The following ANKFN1 variants were observed in gnomAD, a reference collection of about 807,000 sequenced individuals.
ANKFN1 encodes ankyrin repeat and fibronectin type-III domain-containing protein 1.
Under a neutral mutation model 108.7 loss-of-function variants are expected in ANKFN1, and 74 were observed. That is an observed-to-expected ratio of 0.68 (90% confidence interval 0.56 to 0.83). The LOEUF is 0.83. Ranked by LOEUF, ANKFN1 falls within the 40% of genes least tolerant of loss-of-function variation. The pLI, the probability that ANKFN1 is intolerant of heterozygous loss-of-function variation, is 0.00. For missense variants in ANKFN1, 1,505 were observed against 1,382.3 expected (o/e 1.09, Z -1.41); for synonymous variants, 547 against 516.2 (o/e 1.06, Z -0.81).
At chr17:56,180,930 G>A (rs1445886193) in intron 1 of ANKFN1, among the ~76,000 whole-genome samples, 1 of 152,122 alleles carries the variant, frequency 6.6e-6, no homozygotes, top group East Asian at 1.9e-4. Flanking sequence ...TGTTCTCTAA[G>A]CCACACCAAT....
At position 56,188,579 on chromosome 17, in the gene ANKFN1, G is replaced by GTATATA. The variant is rs1220822008; in HGVS notation, c.-70-24018_-70-24017insATATAT. On this transcript the variant is annotated intron_variant, in intron 1 of 20. Transcript: ENST00000682825. ...TGTGTGTGTATGTGTGTGTGTGTGT[G>GTATATA]TGTATATATATATATATATATATAT... Among the ~76,000 whole-genome samples, 193 of 71,312 alleles carry GTATATA rather than the reference G, an allele frequency of 2.7e-3. 2 individuals are homozygous for GTATATA. Among genetic ancestry groups the GTATATA allele is most frequent in the Middle Eastern group, 0.016 (2 of 124 alleles). 46.8% of individuals were successfully genotyped at this position (71,312 alleles called of 152,430 possible).
intron 8 of ANKFN1, among the ~76,000 whole-genome samples, chr17:56,378,781 G>C (rs944898214): frequency 2.0e-5 from 3 of 152,084 alleles, no homozygotes; most frequent in Non-Finnish European, 4.4e-5. Flanking sequence ...TATGAAAGTG[G>C]GGTTAGTGAT....
intron 8 of ANKFN1, among the ~76,000 whole-genome samples, chr17:56,435,922 A>T (rs2048916172): frequency 6.6e-6 from 1 of 152,098 alleles, no homozygotes; most frequent in Non-Finnish European, 1.5e-5. Flanking sequence ...AAATTTACCT[A>T]AACTTTATAC....
chr17:56,404,010 G>T (rs573475522), intron 8 of ANKFN1, among the ~76,000 whole-genome samples: 1 of 152,148 alleles, frequency 6.6e-6, no homozygotes, highest in African/African-American at 2.4e-5. Context: ...CTTCTGGCTT[G>T]TAGGGGTCCT....
At chr17:56,387,729 G>A (rs549687616) in intron 8 of ANKFN1, among the ~76,000 whole-genome samples, 3 of 152,216 alleles carry the variant, frequency 2.0e-5, no homozygotes, top group Admixed American at 1.3e-4. Context: ...TGAAAAACCT[G>A]CTTGATTTGT....
At chr17:56,207,267 G>T (rs184165581) in intron 1 of ANKFN1, among the ~76,000 whole-genome samples, 1 of 152,290 alleles carries the variant, frequency 6.6e-6, no homozygotes, top group African/African-American at 2.4e-5. Context: ...CAGACCTATT[G>T]TATCAGATAC....
chr17:56,225,129 A>G (rs1916169381), intron 2 of ANKFN1, among the ~76,000 whole-genome samples: 1 of 152,138 alleles, frequency 6.6e-6, no homozygotes, highest in African/African-American at 2.4e-5. Flanking sequence ...ATATGCAAAT[A>G]ATACAAATGG....
intron 1 of ANKFN1, among the ~76,000 whole-genome samples, chr17:56,198,781 C>T (rs1913765841): frequency 6.6e-6 from 1 of 152,166 alleles, no homozygotes; most frequent in Non-Finnish European, 1.5e-5. Flanking sequence ...GTTTCAGACA[C>T]CTGGGTCTGT....
intron 4 of ANKFN1, among the ~76,000 whole-genome samples, chr17:56,345,229 G>GT (rs1384703039): frequency 6.6e-6 from 1 of 151,998 alleles, no homozygotes; most frequent in African/African-American, 2.4e-5. Context: ...AGCTCATTCT[G>GT]TTTTATGGCT....
At chr17:56,502,892 T>C (rs1414056537) in intron 20 of ANKFN1, among the ~76,000 whole-genome samples, 1 of 152,076 alleles carries the variant, frequency 6.6e-6, no homozygotes, top group Non-Finnish European at 1.5e-5. Flanking sequence ...CTTTTGGGAG[T>C]AGGTGGATGG....
At chr17:56,351,441 A>G (rs529943475) in intron 5 of ANKFN1, among the ~76,000 whole-genome samples, 1 of 112,624 alleles carries the variant, frequency 8.9e-6, no homozygotes, top group Admixed American at 9.4e-5. Context: ...AAAGTAAGGG[A>G]AAAATATAAA....
intron 1 of ANKFN1, among the ~76,000 whole-genome samples, chr17:56,188,581 GTATA>G (rs61556880): frequency 1.2e-3 from 61 of 49,648 alleles, no homozygotes; most frequent in East Asian, 3.0e-3. Context: ...GTGTGTGTGT[GTATA>G]TATATATATA....
rs533779175 is a variant in ANKFN1 at position 56,494,377 on chromosome 17, G to A, written c.2427+2024G>A. The stretch of plus-strand genomic sequence containing the variant: ...GGGAAGGGGTGGGAAAAGGAAGAGT[G>A]TAGCATGAGGAGAATACGAAAGACT... On this transcript the variant is annotated intron_variant, in intron 19 of 20. Coordinates refer to ENST00000682825, the MANE Select transcript of ANKFN1 (RefSeq NM_001370326.1). 1.8e-4 allele frequency among the ~76,000 whole-genome samples: 28 copies of A among 152,226 alleles called. 2 individuals carry two copies. Among genetic ancestry groups the A allele is most frequent in the African/African-American group, 6.3e-4 (26 of 41,544 alleles).
At chr17:56,183,332 G>A (rs1416396331) in intron 1 of ANKFN1, among the ~76,000 whole-genome samples, 1 of 152,150 alleles carries the variant, frequency 6.6e-6, no homozygotes, top group Admixed American at 6.6e-5. Context: ...ATCATAAATG[G>A]AAGAAAGTCA....
At chr17:56,290,379 T>C (rs561929889) in intron 3 of ANKFN1, among the ~76,000 whole-genome samples, 27 of 152,304 alleles carry the variant, frequency 1.8e-4, no homozygotes, top group African/African-American at 6.5e-4. Flanking sequence ...AAGAATATCA[T>C]GTTTGTATTT....
At chr17:56,229,777 A>G (rs977341447) in intron 3 of ANKFN1, among the ~76,000 whole-genome samples, 5 of 150,710 alleles carry the variant, frequency 3.3e-5, no homozygotes, top group African/African-American at 1.2e-4. Flanking sequence ...TCAGACACAT[A>G]CAGGGTGCTT....
At chr17:56,376,275 G>A (rs1036054011) in intron 8 of ANKFN1, among the ~76,000 whole-genome samples, 6 of 152,118 alleles carry the variant, frequency 3.9e-5, no homozygotes, top group South Asian at 2.1e-4. Flanking sequence ...TCCAGATAAC[G>A]CCACTGTGTT....
chr17:56,490,176 CAGTAA>C (rs1380561294), intron 18 of ANKFN1, among the ~76,000 whole-genome samples: 1 of 152,112 alleles, frequency 6.6e-6, no homozygotes, highest in Non-Finnish European at 1.5e-5. Flanking sequence ...AATGCCAAGG[CAGTAA>C]AGTAAACACA....
intron 4 of ANKFN1, among the ~76,000 whole-genome samples, chr17:56,092,206 T>C (rs920139547): frequency 6.6e-6 from 1 of 151,130 alleles, no homozygotes; most frequent in Admixed American, 6.6e-5. Context: ...GTAAGGAATT[T>C]GCTCTTTCTT....
Sources: allele counts gnomAD v4.1 joint callset (sites outside exome capture counted in the v4.1 genomes callset), GRCh38; gene constraint gnomAD v4.1.1; transcripts MANE v1.5; gene names NCBI Gene and HGNC (gene_info 2026-07-23, HGNC 2026-07-21).